Variants in IQSEC1 observed in about 807,000 individuals in gnomAD.
The protein encoded by IQSEC1 is IQ motif and SEC7 domain-containing protein 1.
IQSEC1 carries 31 observed loss-of-function variants against 91.0 expected under a neutral mutation model. That is an observed-to-expected ratio of 0.34 (90% CI 0.26 to 0.46). The LOEUF is 0.46. Ranked by LOEUF, IQSEC1 falls within the 20% of genes least tolerant of loss-of-function variation. The pLI, the probability that IQSEC1 is intolerant of heterozygous loss-of-function variation, is 1.00. For missense variants in IQSEC1, 1,388 were observed against 1,575.6 expected (o/e 0.88, Z 2.02); for synonymous variants, 699 against 662.6 (o/e 1.05, Z -0.84).
chr3:13,143,197 G>A (rs997173076), intron 2 of IQSEC1, among the ~76,000 whole-genome samples: 1 of 152,208 alleles, frequency 6.6e-6, no homozygotes, highest in Non-Finnish European at 1.5e-5. Context: ...ATGACAGGCT[G>A]GCACATGGAG....
intron 2 of IQSEC1, among the ~76,000 whole-genome samples, chr3:13,155,835 G>T (rs1008948230): frequency 6.6e-6 from 1 of 152,116 alleles, no homozygotes; most frequent in African/African-American, 2.4e-5. Context: ...TCACTGTAAT[G>T]CATACCAGAA....
intron 1 of IQSEC1, among the ~76,000 whole-genome samples, chr3:12,984,065 C>A (rs549352998): frequency 1.3e-5 from 2 of 152,268 alleles, no homozygotes; most frequent in South Asian, 4.1e-4. Flanking sequence ...AGATAGGGAC[C>A]CAGGCCTTCT....
chr3:12,975,172 C>T (rs1267818096), intron 1 of IQSEC1, among the ~76,000 whole-genome samples: 3 of 152,252 alleles, frequency 2.0e-5, no homozygotes, highest in Admixed American at 2.0e-4. Flanking sequence ...AAGTTCCTCC[C>T]CTTGCTTCAC....
intron 1 of IQSEC1, among the ~76,000 whole-genome samples, chr3:12,990,008 T>G (rs189021291): frequency 1.6e-4 from 24 of 152,346 alleles, no homozygotes; most frequent in Non-Finnish European, 2.6e-4. Flanking sequence ...TACCAAACCC[T>G]CAGTCCACTT....
chr3:12,912,608 G>C (rs1189259848), intron 9 of IQSEC1, among the ~76,000 whole-genome samples: 2 of 147,524 alleles, frequency 1.4e-5, no homozygotes, highest in African/African-American at 5.0e-5. Context: ...AGCTTGCAGT[G>C]AGCCGAGATT....
chr3:13,278,834 T>TC (rs555596995), intron 1 of IQSEC1, among the ~76,000 whole-genome samples: 186 of 94,202 alleles, frequency 2.0e-3, no homozygotes, highest in Non-Finnish European at 3.1e-3. Context: ...AGGGGCAGGG[T>TC]GGGGGGGGAC....
chr3:13,256,010 C>T (rs1695279490), intron 1 of IQSEC1, among the ~76,000 whole-genome samples: 1 of 152,186 alleles, frequency 6.6e-6, no homozygotes, highest in African/African-American at 2.4e-5. Context: ...ACAGGGCAGC[C>T]CCCACCACAA....
At chr3:13,072,726 A>AG (rs1705477151) in intron 1 of IQSEC1, among the ~76,000 whole-genome samples, 1 of 152,198 alleles carries the variant, frequency 6.6e-6, no homozygotes, top group African/African-American at 2.4e-5. Context: ...TGGATCTGGG[A>AG]GGGGGGATAC....
intron 1 of IQSEC1, among the ~76,000 whole-genome samples, chr3:13,223,323 A>G (rs1694694896): frequency 6.6e-6 from 1 of 151,738 alleles, no homozygotes; most frequent in Non-Finnish European, 1.5e-5. Context: ...ACCCTCCCAC[A>G]AGGATGGAGA....
At chr3:13,239,637 C>T (rs952319910) in intron 1 of IQSEC1, among the ~76,000 whole-genome samples, 1 of 152,268 alleles carries the variant, frequency 6.6e-6, no homozygotes, top group Admixed American at 6.5e-5. Flanking sequence ...CCAAGCAGCA[C>T]CCCACTTACT....
At chr3:13,169,970 A>G (rs1489575402) in intron 1 of IQSEC1, among the ~76,000 whole-genome samples, 1 of 152,256 alleles carries the variant, frequency 6.6e-6, no homozygotes, top group Admixed American at 6.5e-5. Context: ...TTACATAAGT[A>G]ATGAGAAGCC....
Position 12,911,699 on chromosome 3 carries a change from G to GTTC in IQSEC1, c.2343_2345dup (p.Lys781dup). On this transcript the variant is annotated inframe_insertion, in exon 10 of 14. Coordinates refer to ENST00000613206, the MANE Select transcript of IQSEC1 (RefSeq NM_001134382.3). ...ACTGTCGGAAGCTGTACGTCACCGA[G>GTTC]TTCTTCTTCTTCTGGAAGATCTTGG... 6.2e-7 allele frequency: 1 copy of GTTC among 1,613,560 alleles called. No homozygotes were observed.
rs74882124 is a variant in IQSEC1, at chr3:13,199,188, G to A, written c.273-35055C>T. On this transcript the variant is annotated intron_variant, in intron 1 of 15. Transcript: ENST00000648114. ...TCACATCAGAGAGAGCTCTCAGCCC[G>A]GAGGAGGCACTGGCCAGGCTTAGGA... Among the ~76,000 whole-genome samples the A allele has an allele frequency of 4.3e-3, 654 of 152,316 alleles. 27 individuals carry two copies. The East Asian group carries it at 0.095, about 22-fold the overall frequency.
At position 12,898,364 on chromosome 3, in the gene IQSEC1, A is replaced by C. The variant is rs968673625; in HGVS notation, c.*2619T>G. 3 of 152,250 alleles carry C rather than the reference A, an allele frequency of 2.0e-5. No homozygotes were observed. The highest frequency in any genetic ancestry group is 2.9e-5 in the Non-Finnish European group (2 of 68,050). The allele number at this position is 152,250 out of a possible 1,614,324, so 9.4% of individuals were successfully genotyped here. A position where few individuals can be genotyped will look rare whatever the true frequency, so the allele number is the denominator to read the frequency against. ...TGCAAATAAAACAGAATGAAACCTCACTAGCCTGAAGGAACACACTGAGTG... is the reference window on the plus strand; with the variant it reads ...TGCAAATAAAACAGAATGAAACCTCCCTAGCCTGAAGGAACACACTGAGTG... On this transcript the variant is annotated 3_prime_UTR_variant, in exon 14 of 14. Coordinates refer to ENST00000613206, the MANE Select transcript of IQSEC1 (RefSeq NM_001134382.3).
At chr3:12,945,093 G>A (rs1405575761) in intron 1 of IQSEC1, among the ~76,000 whole-genome samples, 1 of 152,218 alleles carries the variant, frequency 6.6e-6, no homozygotes, top group Non-Finnish European at 1.5e-5. Context: ...GGGGCAGAGG[G>A]GGTTGGGGAA....
chr3:12,961,720 C>T (rs1484333404), intron 1 of IQSEC1, among the ~76,000 whole-genome samples: 1 of 152,240 alleles, frequency 6.6e-6, no homozygotes, highest in Non-Finnish European at 1.5e-5. Flanking sequence ...ACTTCTCGGG[C>T]CTAAAACATC....
intron 1 of IQSEC1, among the ~76,000 whole-genome samples, chr3:13,178,095 C>T (rs925677986): frequency 1.2e-4 from 19 of 152,338 alleles, no homozygotes; most frequent in East Asian, 3.9e-4. Context: ...GGTCACAAGT[C>T]GTGAGGAAAC....
intron 1 of IQSEC1, among the ~76,000 whole-genome samples, chr3:13,185,970 A>ATGAGCAGTGGGCTT (rs2125025457): frequency 6.6e-6 from 1 of 152,360 alleles, no homozygotes; most frequent in East Asian, 1.9e-4. Flanking sequence ...AGAGAAGACA[A>ATGAGCAGTGGGCTT]TGAGCAGTGG....
At chr3:12,990,888 A>T (rs1701956455) in intron 1 of IQSEC1, among the ~76,000 whole-genome samples, 1 of 152,232 alleles carries the variant, frequency 6.6e-6, no homozygotes, top group African/African-American at 2.4e-5. Flanking sequence ...CCCTGTGATC[A>T]GGTCTGGCAT....
Sources: allele counts gnomAD v4.1 joint callset (sites outside exome capture counted in the v4.1 genomes callset), GRCh38; gene constraint gnomAD v4.1.1; transcripts MANE v1.5; gene names NCBI Gene and HGNC (gene_info 2026-07-23, HGNC 2026-07-21).